Variants in NFE2L2 observed in about 807,000 individuals in gnomAD.
NFE2L2 encodes NFE2 like bZIP transcription factor 2, also known as nuclear factor erythroid 2-related factor 2.
In NFE2L2, 20 loss-of-function variants were observed where a neutral mutation model predicts 49.6. The ratio of observed to expected loss-of-function variants is 0.40; its 90% CI spans 0.28 to 0.59. The LOEUF (loss-of-function observed/expected upper bound fraction) is 0.59, where lower values mean the gene tolerates loss of function less well. NFE2L2 is among the 20% of genes least tolerant of loss of function. NFE2L2 has a pLI of 0.40. For synonymous variants in NFE2L2, 244 were observed against 256.5 expected (o/e 0.95, Z 0.47); for missense variants, 578 against 714.2 (o/e 0.81, Z 2.17).
chr2:177,249,647 A>G (rs561295687), intron 1 of NFE2L2, among the ~76,000 whole-genome samples: 7 of 152,350 alleles, frequency 4.6e-5, no homozygotes, highest in African/African-American at 1.7e-4. Flanking sequence ...AATTTTAACA[A>G]TATATTTATT....
intron 1 of NFE2L2, among the ~76,000 whole-genome samples, chr2:177,244,066 T>A (rs1269368572): frequency 1.5e-4 from 23 of 151,432 alleles, no homozygotes; most frequent in Admixed American, 1.4e-3. Context: ...TTTAGGAGGC[T>A]GAGGTAGGTG....
chr2:177,252,016 AAG>A (rs1690359502), intron 1 of NFE2L2, among the ~76,000 whole-genome samples: 1 of 151,284 alleles, frequency 6.6e-6, no homozygotes, highest in East Asian at 2.0e-4. Context: ...AAAAAAAAAA[AAG>A]GGATTTTTTT....
intron 1 of NFE2L2, among the ~76,000 whole-genome samples, chr2:177,245,615 CT>C (rs112067562): frequency 0.018 from 2,618 of 144,530 alleles, 62 homozygotes; most frequent in African/African-American, 0.058. Flanking sequence ...GTATTGTAGT[CT>C]TTTTTTTTTT....
intron 1 of NFE2L2, among the ~76,000 whole-genome samples, chr2:177,255,381 A>G (rs1690480506): frequency 6.6e-6 from 1 of 152,186 alleles, no homozygotes; most frequent in African/African-American, 2.4e-5. Flanking sequence ...AGAAGTTTCT[A>G]ACAGAGGGTG....
At chr2:177,257,435 G>A (rs562307954) in intron 1 of NFE2L2, among the ~76,000 whole-genome samples, 1 of 152,180 alleles carries the variant, frequency 6.6e-6, no homozygotes, top group Non-Finnish European at 1.5e-5. Context: ...ATGAGCCCAG[G>A]TTATATATAT....
intron 1 of NFE2L2, among the ~76,000 whole-genome samples, chr2:177,248,167 C>T (rs1298847336): frequency 6.6e-6 from 1 of 152,162 alleles, no homozygotes; most frequent in Admixed American, 6.5e-5. Flanking sequence ...GCAACTGGCC[C>T]CAGGTCTGAC....
intron 1 of NFE2L2, chr2:177,263,721 C>T: frequency 1.0e-6 from 1 of 985,488 alleles, no homozygotes; most frequent in Non-Finnish European, 1.2e-6. Context: ...AGTCCACTGC[C>T]CTCGCCCGCA....
At chr2:177,249,967 C>T (rs1032279037) in intron 1 of NFE2L2, among the ~76,000 whole-genome samples, 35 of 152,268 alleles carry the variant, frequency 2.3e-4, no homozygotes, top group African/African-American at 7.0e-4. Context: ...GTGACTTTGA[C>T]GGAACCAAAC....
chr2:177,254,486 G>GGGGCGGT (rs1690447978), intron 1 of NFE2L2, among the ~76,000 whole-genome samples: 1 of 152,178 alleles, frequency 6.6e-6, no homozygotes, highest in Non-Finnish European at 1.5e-5. Flanking sequence ...ATGCACCACC[G>GGGGCGGT]TGCTTCCACT....
chr2:177,262,062 A>T (rs1372801780), intron 1 of NFE2L2, among the ~76,000 whole-genome samples: 1 of 152,236 alleles, frequency 6.6e-6, no homozygotes, highest in African/African-American at 2.4e-5. Flanking sequence ...GCAAGAAAGA[A>T]AGATTTCAAA....
At chr2:177,238,723 C>A (rs943996839) in intron 1 of NFE2L2, among the ~76,000 whole-genome samples, 2 of 152,222 alleles carry the variant, frequency 1.3e-5, no homozygotes, top group African/African-American at 4.8e-5. Context: ...AGCCAATTAA[C>A]TTCTAAAATC....
rs2105454132 is a variant in NFE2L2, at chr2:177,231,880, G to C, written c.723C>G (p.Asn241Lys). The C allele has an allele frequency of 1.2e-6, 2 of 1,614,168 alleles. No homozygotes were observed. The highest frequency in any genetic ancestry group is 2.2e-5 in the South Asian group (2 of 91,082). ...AAGCATTAAGAAAATGTGGACTACA[G>C]TTACCTACTTCTTTTTCCATTGAGG... Reference protein sequence around the residue: ...SIPSMEKEVGNCSPHFLNAFE... With the variant: ...SIPSMEKEVGKCSPHFLNAFE... The change falls in exon 5 of 5, where the codon AAC becomes AAG. Residue 241 changes from asparagine (N) to lysine (K), a missense_variant. Asn to Lys is a moderately conservative substitution (Grantham distance 94, BLOSUM62 0). Transcript: ENST00000397062.
chr2:177,262,324 C>A (rs1690770650), intron 1 of NFE2L2, among the ~76,000 whole-genome samples: 1 of 152,222 alleles, frequency 6.6e-6, no homozygotes, highest in Admixed American at 6.5e-5. Context: ...CTCTCCAAGA[C>A]ACCCTTGAAA....
At chr2:177,258,269 T>C (rs1690599936) in intron 1 of NFE2L2, among the ~76,000 whole-genome samples, 1 of 152,238 alleles carries the variant, frequency 6.6e-6, no homozygotes, top group South Asian at 2.1e-4. Context: ...ACGCTATTGA[T>C]ATACGTTGCA....
chr2:177,232,478 C>T lies in NFE2L2; in HGVS notation c.508G>A (p.Ala170Thr). 1 of 1,614,118 alleles carries T rather than the reference C, an allele frequency of 6.2e-7. No individual in the cohort carries two copies. Among genetic ancestry groups the T allele is most frequent in the East Asian group, 2.2e-5 (1 of 44,888 alleles). Residue 170 changes from alanine (A) to threonine (T), a missense_variant, in exon 4 of 5, where the codon GCT becomes ACT. Physicochemically the swap from Ala to Thr is moderately conservative, Grantham distance 58. Transcript: ENST00000397062. ...NQAQSPETSV[A>T]QVAPVDLDGM... Reference sequence around the variant, plus strand: ...TCTAAATCAACAGGGGCTACCTGAGCAACAGAAGTTTCAGGTGACTGAGCC... The same window carrying T: ...TCTAAATCAACAGGGGCTACCTGAGTAACAGAAGTTTCAGGTGACTGAGCC...
chr2:177,247,384 G>A (rs915767743), intron 1 of NFE2L2, among the ~76,000 whole-genome samples: 3 of 152,086 alleles, frequency 2.0e-5, no homozygotes, highest in Non-Finnish European at 2.9e-5. Flanking sequence ...AATAAAGGCC[G>A]GGCGCCGTGG....
At chr2:177,263,923 G>C (rs541815066) in intron 1 of NFE2L2, 3 of 985,398 alleles carry the variant, frequency 3.0e-6, no homozygotes, top group South Asian at 4.7e-5. Context: ...AGAGTGATCC[G>C]AGAGATGGAT....
At chr2:177,236,377 A>G (rs1027681788) in intron 1 of NFE2L2, among the ~76,000 whole-genome samples, 3 of 152,244 alleles carry the variant, frequency 2.0e-5, no homozygotes, top group Non-Finnish European at 4.4e-5. Flanking sequence ...TATATTGTAA[A>G]GCACACAAAG....
chr2:177,257,617 A>C (rs923403313), intron 1 of NFE2L2, among the ~76,000 whole-genome samples: 1 of 152,224 alleles, frequency 6.6e-6, no homozygotes, highest in Admixed American at 6.5e-5. Context: ...ATGGATACCA[A>C]GCACTGAGGT....
Sources: gnomAD v4.1 joint callset for allele counts (sites outside exome capture counted in the v4.1 genomes callset) on GRCh38, gnomAD v4.1.1 for gene constraint, MANE v1.5 for transcripts, NCBI Gene and HGNC (gene_info 2026-07-23, HGNC 2026-07-21) for gene names.